The following TRIQK variants were observed in gnomAD, a reference collection of about 807,000 sequenced individuals.
TRIQK encodes triple QxxK/R motif containing.
TRIQK carries 10 observed loss-of-function variants against 10.8 expected under a neutral mutation model. The ratio of observed to expected loss-of-function variants is 0.92; its 90% CI spans 0.57 to 1.57. The LOEUF is 1.57. Ranked by LOEUF, TRIQK falls within the 40% of genes most tolerant of loss-of-function variation. The pLI, the probability that TRIQK is intolerant of heterozygous loss-of-function variation, is 0.00. For missense variants in TRIQK, 107 were observed against 97.7 expected (o/e 1.09, Z -0.40); for synonymous variants, 33 against 33.7 (o/e 0.98, Z 0.07).
chr8:92,970,137 G>A (rs1292253929), upstream of TRIQK, among the ~76,000 whole-genome samples: 1 of 152,108 alleles, frequency 6.6e-6, no homozygotes, highest in African/African-American at 2.4e-5. Context: ...TCCTTTTTAT[G>A]GCTGCATAGT....
chr8:92,886,657 C>A lies in TRIQK; in HGVS notation c.226G>T (p.Asp76Tyr). Residue 76 changes from aspartate (D) to tyrosine (Y), a missense_variant, in exon 5 of 5, where the codon GAT becomes TAT. Asp to Tyr is a radical substitution (Grantham distance 160). Transcript: ENST00000521988. ...YAFFYLRLTTDVDPDLDQDED is the reference protein window; with the variant it reads ...YAFFYLRLTTYVDPDLDQDED Reference sequence around the variant, plus strand: ...TCTTGGTCCAGATCAGGGTCAACATCCGTGGTGAGTCTGAGATAAAAGAAA... The same window carrying A: ...TCTTGGTCCAGATCAGGGTCAACATACGTGGTGAGTCTGAGATAAAAGAAA... The A allele has an allele frequency of 6.5e-7, 1 of 1,531,000 alleles. No homozygotes were observed. The highest frequency in any genetic ancestry group is 8.8e-7 in the Non-Finnish European group (1 of 1,142,780). The allele number at this position is 1,531,000 out of a possible 1,614,324, so 94.8% of individuals were successfully genotyped here.
At chr8:92,957,012 C>T (rs1000873782) in intron 1 of TRIQK, among the ~76,000 whole-genome samples, 3 of 151,752 alleles carry the variant, frequency 2.0e-5, no homozygotes, top group African/African-American at 7.2e-5. Flanking sequence ...GGTACAATTT[C>T]CCAACTGAGG....
At chr8:92,987,471 A>G (rs868767469) in intron 1 of TRIQK, among the ~76,000 whole-genome samples, 1 of 152,244 alleles carries the variant, frequency 6.6e-6, no homozygotes, top group Admixed American at 6.5e-5. Context: ...TTGGTTTTAC[A>G]TGATAAGCAT....
At chr8:92,911,227 GA>G (rs967573330) in intron 3 of TRIQK, among the ~76,000 whole-genome samples, 9 of 149,230 alleles carry the variant, frequency 6.0e-5, no homozygotes, top group African/African-American at 1.2e-4. Context: ...TAACCACAAA[GA>G]AAAAAAACTA....
At chr8:92,990,371 G>C (rs1813084008) in intron 1 of TRIQK, among the ~76,000 whole-genome samples, 1 of 151,796 alleles carries the variant, frequency 6.6e-6, no homozygotes, top group Non-Finnish European at 1.5e-5. Flanking sequence ...TTTTATTTTT[G>C]TGCTTTCTTT....
At chr8:92,898,164 A>G (rs1392151360) in intron 3 of TRIQK, among the ~76,000 whole-genome samples, 1 of 152,162 alleles carries the variant, frequency 6.6e-6, no homozygotes, top group African/African-American at 2.4e-5. Flanking sequence ...GCCACAGAGA[A>G]AGGGCTCTTC....
At chr8:92,934,359 G>A (rs542467775) in intron 2 of TRIQK, among the ~76,000 whole-genome samples, 2 of 151,910 alleles carry the variant, frequency 1.3e-5, no homozygotes, top group African/African-American at 2.4e-5. Context: ...TTTTCATGCC[G>A]AGAAACACAT....
intron 2 of TRIQK, among the ~76,000 whole-genome samples, chr8:92,941,624 C>CA (rs1811274816): frequency 6.6e-6 from 1 of 151,720 alleles, no homozygotes; most frequent in Non-Finnish European, 1.5e-5. Context: ...TAAAAAAATA[C>CA]AAAAAGTCAA....
chr8:92,931,400 T>C (rs902372555), intron 2 of TRIQK, among the ~76,000 whole-genome samples: 1 of 152,146 alleles, frequency 6.6e-6, no homozygotes, highest in African/African-American at 2.4e-5. Flanking sequence ...AGTCTCTACA[T>C]GCATGTGCTC....
chr8:92,904,741 C>T (rs1809159695), intron 3 of TRIQK, among the ~76,000 whole-genome samples: 1 of 152,088 alleles, frequency 6.6e-6, no homozygotes, highest in Admixed American at 6.5e-5. Flanking sequence ...CTTCACAACC[C>T]CACAGTATAT....
Position 92,885,086 on chromosome 8 carries a change from TA to T in TRIQK, c.*1535del. 2.3e-6 allele frequency: 1 copy of T among 442,314 alleles called. No individual in the cohort carries two copies. The highest frequency in any genetic ancestry group is 4.6e-6 in the Non-Finnish European group (1 of 215,994). 27.4% of individuals were successfully genotyped at this position (442,314 alleles called of 1,614,324 possible). ...GTCTGTGAGTTCAAAGGGAAGAATC[TA>T]GTAAATAACACCGGCTAAATTTTGC... On this transcript the variant is annotated 3_prime_UTR_variant, in exon 5 of 5. Coordinates refer to ENST00000521988, the MANE Select transcript of TRIQK (RefSeq NM_001171797.2).
chr8:92,925,396 G>T (rs1343672809), intron 2 of TRIQK, among the ~76,000 whole-genome samples: 2 of 152,012 alleles, frequency 1.3e-5, no homozygotes, highest in African/African-American at 4.8e-5. Flanking sequence ...GGATGAACTG[G>T]ATTACATCAA....
At chr8:92,941,776 A>C (rs1811282203) in intron 2 of TRIQK, among the ~76,000 whole-genome samples, 1 of 152,216 alleles carries the variant, frequency 6.6e-6, no homozygotes, top group South Asian at 2.1e-4. Flanking sequence ...AAAAATGCAA[A>C]AGGTCACAAG....
chr8:92,900,795 A>G (rs770034866), intron 3 of TRIQK, among the ~76,000 whole-genome samples: 1 of 152,050 alleles, frequency 6.6e-6, no homozygotes, highest in African/African-American at 2.4e-5. Flanking sequence ...TGGTATTTTG[A>G]TAGAGATTGC....
chr8:92,905,664 G>C (rs991090903), intron 3 of TRIQK, among the ~76,000 whole-genome samples: 1 of 152,104 alleles, frequency 6.6e-6, no homozygotes, highest in Non-Finnish European at 1.5e-5. Flanking sequence ...GACAATAAAA[G>C]GTTCTCCAGT....
chr8:92,916,925 T>G lies in TRIQK; in HGVS notation c.61+4A>C. 6.8e-7 allele frequency: 1 copy of G among 1,467,554 alleles called. No individual in the cohort carries two copies. The highest frequency in any genetic ancestry group is 9.0e-7 in the Non-Finnish European group (1 of 1,114,672). The allele number at this position is 1,467,554 out of a possible 1,614,324, so 90.9% of individuals were successfully genotyped here. On this transcript the variant is annotated splice_donor_region_variant and intron_variant, in intron 3 of 4. Transcript: ENST00000521988. ...GAGTGTATCAAAGATAATTCATTGC[T>G]TACCAATTTGTTTTCTGTACTGATC...
chr8:92,964,357 T>C (rs1812620962), intron 1 of TRIQK, among the ~76,000 whole-genome samples: 1 of 151,832 alleles, frequency 6.6e-6, no homozygotes, highest in Non-Finnish European at 1.5e-5. Flanking sequence ...GAGGAGCAAG[T>C]CAATAGCTTT....
intron 3 of TRIQK, among the ~76,000 whole-genome samples, chr8:92,909,033 A>G (rs1365641481): frequency 6.6e-6 from 1 of 151,954 alleles, no homozygotes; most frequent in East Asian, 1.9e-4. Context: ...GTAAATCTGC[A>G]GCTGCCATAT....
In TRIQK at chr8:92,916,997, C is replaced by A; in HGVS notation, c.-8G>T. ...AGCATCTTTTCTACCCATCTTTGAT[C>A]TCCAAAATGCCTGCTGAAAAGAAAA... On this transcript the variant is annotated 5_prime_UTR_variant, in exon 3 of 5. Coordinates refer to ENST00000521988, the MANE Select transcript of TRIQK (RefSeq NM_001171797.2). The A allele has an allele frequency of 6.7e-7, 1 of 1,495,950 alleles. No homozygotes were observed. Among genetic ancestry groups the A allele is most frequent in the Non-Finnish European group, 8.9e-7 (1 of 1,129,502 alleles). The allele number at this position is 1,495,950 out of a possible 1,614,324, so 92.7% of individuals were successfully genotyped here.
Sources: gnomAD v4.1 joint callset for allele counts (sites outside exome capture counted in the v4.1 genomes callset) on GRCh38, gnomAD v4.1.1 for gene constraint, MANE v1.5 for transcripts, NCBI Gene and HGNC (gene_info 2026-07-23, HGNC 2026-07-21) for gene names.